The following EIF2D variants were observed in gnomAD, a reference collection of about 807,000 sequenced individuals.
The protein encoded by EIF2D is hepatocellular carcinoma-associated antigen 56.
Under a neutral mutation model 77.4 loss-of-function variants are expected in EIF2D, and 56 were observed. The observed-to-expected ratio is 0.72, with a 90% CI of 0.58 to 0.90. The LOEUF (loss-of-function observed/expected upper bound fraction) is 0.90, where lower values mean the gene tolerates loss of function less well. EIF2D is among the 40% of genes least tolerant of loss of function. The probability of loss-of-function intolerance (pLI) is 0.00; values close to 1 mark genes in which losing one functional copy is unlikely to be tolerated. For synonymous variants in EIF2D, 230 were observed against 271.0 expected (o/e 0.85, Z 1.49); for missense variants, 574 against 706.5 (o/e 0.81, Z 2.13).
Position 206,584,782 on chromosome 1 carries a change from C to A in EIF2D, c.139-3620G>T, listed in dbSNP as rs951128621. ...GCCGGCCTTGGGTGGGAGCTGTGGG[C>A]TTCTCCTGAGCACCAGGGGTCCAGC... On this transcript the variant is annotated intron_variant and NMD_transcript_variant, in intron 2 of 5. Coordinates refer to the EIF2D transcript ENST00000472709. The surrounding 1 kb of genome is among the most constrained non-coding windows in gnomAD (Gnocchi z 4.9). 3.0e-6 allele frequency: 4 copies of A among 1,334,996 alleles called. No homozygotes were observed. Among genetic ancestry groups the A allele is most frequent in the Non-Finnish European group, 4.2e-6 (4 of 959,520 alleles). The allele number at this position is 1,334,996 out of a possible 1,614,324, so 82.7% of individuals were successfully genotyped here. A position where few individuals can be genotyped will look rare whatever the true frequency, so the allele number is the denominator to read the frequency against.
chr1:206,603,011 G>C lies in EIF2D; in HGVS notation c.724C>G (p.Pro242Ala). ...AREDKSLSEA[P>A]EDTSTRGLNQ... ...AGGCCCCTGGTGCTGGTGTCTTCTG[G>C]GGCTTCTGAGAGAGACTTGTCTTCA... Residue 242 changes from proline to alanine, a missense_variant, in exon 6 of 15, where the codon CCA becomes GCA. Transcript: ENST00000271764. 6.2e-7 allele frequency: 1 copy of C among 1,614,024 alleles called. No individual in the cohort carries two copies. The highest frequency in any genetic ancestry group is 1.3e-5 in the African/African-American group (1 of 74,972).
chr1:206,612,209 T>G, intron 1 of EIF2D, 78 bp downstream of exon 1: 1 of 1,595,326 alleles, frequency 6.3e-7, no homozygotes, highest in Non-Finnish European at 8.6e-7. Context: ...CGGCCAAGAA[T>G]AGCGAGGGCT....
rs113654777 is a variant in EIF2D, at chr1:206,598,037, GAAAA to G, written c.1293-846_1293-843del. ...TATCATGATGATGTTTTTTTAAAGT[GAAAA>G]AAAAATTTTTTTTTGAGATGGGGTT... On this transcript the variant is annotated intron_variant, in intron 11 of 14. Transcript: ENST00000271764. 5.3e-3 allele frequency among the ~76,000 whole-genome samples: 803 copies of G among 151,536 alleles called. 2 individuals carry two copies. The highest frequency in any genetic ancestry group is 0.018 in the African/African-American group (752 of 41,318).
intron 4 of EIF2D, among the ~76,000 whole-genome samples, chr1:206,574,853 CT>C (rs71570015): frequency 0.22 from 19,298 of 86,048 alleles, 1,064 homozygotes; most frequent in East Asian, 0.38. Flanking sequence ...GGACCAATGA[CT>C]TTTTTTTTTT....
At chr1:206,578,273 CTT>C (rs1553405583) in intron 4 of EIF2D, among the ~76,000 whole-genome samples, 1 of 146,206 alleles carries the variant, frequency 6.8e-6, no homozygotes, top group East Asian at 2.1e-4. Flanking sequence ...TAAGTAGATG[CTT>C]ACTTAAGTGC....
rs1440707739 is a variant in EIF2D at position 206,584,845 on chromosome 1, G to A, written c.139-3683C>T. 1.3e-6 allele frequency: 1 copy of A among 741,908 alleles called. No homozygotes were observed. The highest frequency in any genetic ancestry group is 2.2e-6 in the Non-Finnish European group (1 of 459,596). The allele number at this position is 741,908 out of a possible 1,614,324, so 46.0% of individuals were successfully genotyped here. On this transcript the variant is annotated intron_variant and NMD_transcript_variant, in intron 2 of 5. Transcript: ENST00000472709. The surrounding 1 kb of genome is among the most constrained non-coding windows in gnomAD (Gnocchi z 4.9). ...GTTCAGATCTGTGGAATCCGGGCAG[G>A]GAGGCAAGAGCAGAGTCCCTGACTC... is the stretch of plus-strand genomic sequence containing the variant.
chr1:206,612,297 C>A lies in EIF2D; in HGVS notation c.46G>T (p.Gly16Trp). The change falls in exon 1 of 15, where the codon GGG (glycine) becomes TGG (tryptophan). Residue 16 changes from glycine to tryptophan, a missense_variant. Transcript: ENST00000271764. ...FRVKSNTAIK[G>W]SDRRKLRADV... ...CCTTTCCTCCCTCACCTGTCCGACC[C>A]CTTGATGGCCGTGTTGGACTTGACC... 6.2e-7 allele frequency: 1 copy of A among 1,614,254 alleles called. No homozygotes were observed. The highest frequency in any genetic ancestry group is 1.1e-5 in the South Asian group (1 of 91,088).
At chr1:206,595,559 A>G in intron 13 of EIF2D, 159 bp downstream of exon 13, 1 of 856,134 alleles carries the variant, frequency 1.2e-6, no homozygotes, top group Non-Finnish European at 1.7e-6. Context: ...TACCTGTTTC[A>G]TACAGAGCCC....
At chr1:206,589,675 G>C (rs1302305830), downstream of EIF2D, among the ~76,000 whole-genome samples, 1 of 152,204 alleles carries the variant, frequency 6.6e-6, no homozygotes. Context: ...ATCTTTAAAA[G>C]TTTAAGATCA....
downstream of EIF2D, chr1:206,587,029 A>C: frequency 6.2e-7 from 1 of 1,603,200 alleles, no homozygotes; most frequent in Non-Finnish European, 8.5e-7. Flanking sequence ...TTGTATTATT[A>C]ATTATTATTT....
intron 2 of EIF2D, chr1:206,585,426 G>A (rs1393404127): frequency 1.7e-5 from 12 of 703,742 alleles, no homozygotes; most frequent in African/African-American, 3.5e-5. Flanking sequence ...TTGAGAGAGT[G>A]AGCAGGGGTG....
At chr1:206,575,378 G>A (rs1304053262) in intron 4 of EIF2D, among the ~76,000 whole-genome samples, 1 of 152,214 alleles carries the variant, frequency 6.6e-6, no homozygotes, top group African/African-American at 2.4e-5. Flanking sequence ...ATGTGGCAAA[G>A]GCTCATGGTG....
chr1:206,593,685 C>T lies in EIF2D; in HGVS notation c.1618G>A (p.Ala540Thr). ...ASTTVNPAPG[A>T]KDSLQVQIQG... is the part of the protein sequence containing the mutation. ...ATCTGCACCTGAAGGCTGTCCTTGG[C>T]CCCAGGGGCAGGATTGACGGTGGTG... Residue 540 changes from alanine (A) to threonine (T), a missense_variant, in exon 14 of 15, where the codon GCC becomes ACC. Physicochemically the swap from Ala to Thr is moderately conservative, Grantham distance 58 (BLOSUM62 0). Transcript: ENST00000271764. The T allele has an allele frequency of 6.8e-6, 11 of 1,613,878 alleles. No individual in the cohort carries two copies. The highest frequency in any genetic ancestry group is 1.1e-5 in the South Asian group (1 of 91,040).
chr1:206,587,187 T>G, downstream of EIF2D: 1 of 568,626 alleles, frequency 1.8e-6, no homozygotes, highest in Non-Finnish European at 3.1e-6. Flanking sequence ...CCACCACAGA[T>G]TCTGCCAAGG....
intron 1 of EIF2D, 27 bp downstream of exon 1, chr1:206,612,260 G>T: frequency 4.3e-6 from 7 of 1,614,128 alleles, no homozygotes; most frequent in Non-Finnish European, 5.9e-6. Flanking sequence ...TTGTTCCGTG[G>T]CAGAGCAGGC....
chr1:206,581,469 C>T (rs1188397483), intron 2 of EIF2D, among the ~76,000 whole-genome samples: 5 of 151,922 alleles, frequency 3.3e-5, no homozygotes, highest in Admixed American at 1.3e-4. Flanking sequence ...TGTGGTGGTG[C>T]GCACCTGTAA....
At position 206,602,969 on chromosome 1, in the gene EIF2D, C is replaced by G; in HGVS notation, c.766G>C (p.Asp256His). The G allele has an allele frequency of 6.2e-7, 1 of 1,614,142 alleles. No homozygotes were observed. Among genetic ancestry groups the G allele is most frequent in the African/African-American group, 1.3e-5 (1 of 75,030 alleles). The part of the protein sequence containing the change: ...STRGLNQDST[D>H]SKTLQEQMDE... ...GTTATACCTTGAAGCGTTTTGCTAT[C>G]TGTGGAGTCTTGGTTCAGGCCCCTG... The change falls in exon 6 of 15, where the codon GAT (aspartate) becomes CAT (histidine). Residue 256 changes from aspartate (D) to histidine (H), a missense_variant. Asp to His is a moderately conservative substitution (Grantham distance 81). Transcript: ENST00000271764.
chr1:206,602,109 T>A, intron 7 of EIF2D: 1 of 494,890 alleles, frequency 2.0e-6, no homozygotes, highest in Non-Finnish European at 3.6e-6. Flanking sequence ...GTCCTCAATA[T>A]CCTTTCATTG....
intron 2 of EIF2D, chr1:206,583,271 T>C: frequency 6.2e-7 from 1 of 1,606,436 alleles, no homozygotes; most frequent in Non-Finnish European, 8.5e-7. Flanking sequence ...TCTTCCAGAA[T>C]GTCTGTAAAC....
Sources: allele counts gnomAD v4.1 joint callset (sites outside exome capture counted in the v4.1 genomes callset), GRCh38; gene constraint gnomAD v4.1.1; non-coding constraint Gnocchi (gnomAD v3.1); transcripts MANE v1.5; gene names NCBI Gene and HGNC (gene_info 2026-07-23, HGNC 2026-07-21).